ATR: variants seen among roughly 807,000 people sequenced by gnomAD.
The protein encoded by ATR is ATR checkpoint kinase.
In ATR, 142 loss-of-function variants were observed where a neutral mutation model predicts 305.3. The ratio of observed to expected loss-of-function variants is 0.47; its 90% CI spans 0.41 to 0.53. The LOEUF (loss-of-function observed/expected upper bound fraction) is 0.53. Ranked by LOEUF, ATR falls within the 20% of genes least tolerant of loss-of-function variation. ATR has a pLI of 0.00. For synonymous variants in ATR, 1,050 were observed against 1,068.1 expected, an observed-to-expected ratio of 0.98 and a Z score of 0.33; for missense variants, 2,135 against 3,133.1, an observed-to-expected ratio of 0.68 and a Z score of 7.60.
In ATR at chr3:142,566,245, TA is replaced by T; in HGVS notation, c.167del (p.Val56GlufsTer11). The T allele has an allele frequency of 1.2e-6, 2 of 1,613,772 alleles. No homozygotes were observed. Among genetic ancestry groups the T allele is most frequent in the Non-Finnish European group, 1.7e-6 (2 of 1,179,646 alleles). ...AGGTTGGCTGAGAGTCAGTTTTCTTTACAAGTTCTACAGCAACTAAAACAAT... is the reference window on the plus strand; with the variant it reads ...AGGTTGGCTGAGAGTCAGTTTTCTTTCAAGTTCTACAGCAACTAAAACAAT... ...TDVNVVAVEL[V>X]KKTDSQPTSV... On this transcript the variant is annotated frameshift_variant, in exon 3 of 47. Transcript: ENST00000350721. LOFTEE classifies it high-confidence loss of function.
At chr3:142,497,902 TC>T (rs1029433584) in intron 32 of ATR, among the ~76,000 whole-genome samples, 4 of 152,116 alleles carry the variant, frequency 2.6e-5, no homozygotes, top group African/African-American at 9.7e-5. Context: ...ACTAGCTTTT[TC>T]CCCCTTGTAT....
At chr3:142,535,334 C>T in intron 20 of ATR, 129 bp from the exon 21 acceptor site, 1 of 1,008,640 alleles carries the variant, frequency 9.9e-7, no homozygotes, top group African/African-American at 1.6e-5. Flanking sequence ...AATGAAATTT[C>T]CATTCCTTCC....
chr3:142,463,368 A>C (rs1231292100), intron 41 of ATR, among the ~76,000 whole-genome samples: 3 of 152,182 alleles, frequency 2.0e-5, no homozygotes, highest in African/African-American at 7.2e-5. Context: ...GTAGTTAGTG[A>C]ATTAAGGTAC....
At chr3:142,452,875 CTG>C (rs748330731) in intron 46 of ATR, 46 of 1,327,090 alleles carry the variant, frequency 3.5e-5, no homozygotes, top group African/African-American at 3.0e-4. Flanking sequence ...TATCTCATAA[CTG>C]TGAATTGTCT....
Position 142,553,685 on chromosome 3 carries a change from T to C in ATR, c.2588A>G (p.Asn863Ser). 6.2e-7 allele frequency: 1 copy of C among 1,612,674 alleles called. No homozygotes were observed. Among genetic ancestry groups the C allele is most frequent in the African/African-American group, 1.3e-5 (1 of 75,030 alleles). ...AYTHAQISRN[N>S]ELKDTLILTT... Reference sequence around the variant, plus strand: ...AAGAATCAAGGTATCCTTCAGCTCATTATTTCTTGATATTTGGGCATGTGT... The same window carrying C: ...AAGAATCAAGGTATCCTTCAGCTCACTATTTCTTGATATTTGGGCATGTGT... Residue 863 changes from asparagine (N) to serine (S), a missense_variant, in exon 12 of 47, where the codon AAT becomes AGT. Coordinates refer to ENST00000350721, the MANE Select transcript of ATR (RefSeq NM_001184.4).
At position 142,512,466 on chromosome 3, in the gene ATR, T is replaced by G; in HGVS notation, c.4646A>C (p.Tyr1549Ser). 6.2e-7 allele frequency: 1 copy of G among 1,601,914 alleles called. No homozygotes were observed. Among genetic ancestry groups the G allele is most frequent in the Non-Finnish European group, 8.6e-7 (1 of 1,169,502 alleles). ...GCNQEDQQEVYAEIMAVLKHD... is the reference protein window; with the variant it reads ...GCNQEDQQEVSAEIMAVLKHD... ...CTTTAGAACTGCCATAATTTCTGCA[T>G]AAACCTATGAGAATCATTTATAATT... Residue 1549 changes from tyrosine (Y) to serine (S), a missense_variant, in exon 27 of 47, where the codon TAT becomes TCT. This residue lies in a region of ATR where 202 missense variants were observed against 252.9 expected (regional missense o/e 0.80). Transcript: ENST00000350721.
At chr3:142,472,798 C>T (rs1198252633) in intron 36 of ATR, among the ~76,000 whole-genome samples, 1 of 151,938 alleles carries the variant, frequency 6.6e-6, no homozygotes, top group Admixed American at 6.6e-5. Flanking sequence ...CCACCACGCC[C>T]GAATAATTTT....
At position 142,553,348 on chromosome 3, in the gene ATR, C is replaced by T. The variant is rs1202782083; in HGVS notation, c.2684G>A (p.Cys895Tyr). 3 of 1,613,816 alleles carry T rather than the reference C, an allele frequency of 1.9e-6. No individual in the cohort carries two copies. Among genetic ancestry groups the T allele is most frequent in the Admixed American group, 3.3e-5 (2 of 59,964 alleles). The change falls in exon 13 of 47, where the codon TGT (cysteine) becomes TAT (tyrosine). Residue 895 changes from cysteine to tyrosine, a missense_variant. By Grantham distance (194) the Cys-to-Tyr change is radical. Transcript: ENST00000350721. ...GACAGATGCTGACTTGGATAACAAA[C>T]AATGCAATAAGTGTAAGAGTGCAAA... ...VPFALLHLLH[C>Y]LLSKSASVSG... is the part of the protein sequence containing the mutation.
At chr3:142,555,851 G>A (rs2034649902) in intron 10 of ATR, 26 bp downstream of exon 10, 2 of 1,591,458 alleles carry the variant, frequency 1.3e-6, no homozygotes, top group Admixed American at 1.8e-5. Flanking sequence ...AGGTTTTAAA[G>A]TATTAAATAA....
intron 21 of ATR, among the ~76,000 whole-genome samples, chr3:142,527,190 C>T (rs757489970): frequency 6.6e-6 from 1 of 151,904 alleles, no homozygotes; most frequent in Non-Finnish European, 1.5e-5. Context: ...TTGTTTCATG[C>T]TATCTTTTTT....
At chr3:142,559,572 G>T in intron 6 of ATR, 131 bp from the exon 7 acceptor site, 3 of 851,796 alleles carry the variant, frequency 3.5e-6, no homozygotes, top group Non-Finnish European at 5.6e-6. Flanking sequence ...AAGTAAACAT[G>T]CAAATCAAGT....
intron 35 of ATR, among the ~76,000 whole-genome samples, chr3:142,487,640 C>G (rs2031025024): frequency 6.6e-6 from 1 of 152,108 alleles, no homozygotes; most frequent in Non-Finnish European, 1.5e-5. Context: ...TATAAACATT[C>G]TTGTGTTTAT....
At chr3:142,506,116 T>G (rs2032222737) in intron 28 of ATR, among the ~76,000 whole-genome samples, 1 of 152,142 alleles carries the variant, frequency 6.6e-6, no homozygotes, top group African/African-American at 2.4e-5. Flanking sequence ...GAAGTCTTGT[T>G]GAAATGGGCA....
intron 35 of ATR, among the ~76,000 whole-genome samples, chr3:142,492,025 A>G (rs1235700969): frequency 6.6e-6 from 1 of 152,164 alleles, no homozygotes; most frequent in African/African-American, 2.4e-5. Flanking sequence ...ATATATTTTT[A>G]CATTGTCAAG....
rs538118747 is a variant in ATR at position 142,525,643 on chromosome 3, A to G, written c.3946-1444T>C. Among the ~76,000 whole-genome samples, 142 of 152,332 alleles carry G rather than the reference A, an allele frequency of 9.3e-4. 1 individual carries two copies. Among genetic ancestry groups the G allele is most frequent in the Non-Finnish European group, 1.5e-3 (100 of 68,028 alleles). ...TTTGGGTCACATGGGTGGATCCCTC[A>G]TGAATGGCTTGGTGCCATCCCTGTG... On this transcript the variant is annotated intron_variant, in intron 21 of 46. Coordinates refer to ENST00000350721, the MANE Select transcript of ATR (RefSeq NM_001184.4).
intron 1 of ATR, among the ~76,000 whole-genome samples, chr3:142,574,825 AG>A (rs2035385867): frequency 6.6e-6 from 1 of 152,168 alleles, no homozygotes; most frequent in Non-Finnish European, 1.5e-5. Flanking sequence ...TGACTCCCTA[AG>A]GGACAAGGCA....
chr3:142,467,914 CACT>C lies in ATR; in HGVS notation c.6687+17_6687+19del, dbSNP rs1294985700. 1 of 1,611,040 alleles carries C rather than the reference CACT, an allele frequency of 6.2e-7. No homozygotes were observed. The highest frequency in any genetic ancestry group is 2.2e-5 in the East Asian group (1 of 44,672). ...TAATTACCCAACATCAGTTTATAAG[CACT>C]AAGATTATGATAGTACCGGTTTATT... On this transcript the variant is annotated intron_variant, in intron 39 of 46. Transcript: ENST00000350721.
chr3:142,536,543 C>T (rs187599372), intron 19 of ATR, among the ~76,000 whole-genome samples: 11 of 152,306 alleles, frequency 7.2e-5, no homozygotes, highest in Admixed American at 2.6e-4. Context: ...CAATTTGGGG[C>T]CTGTTAAAAA....
intron 30 of ATR, chr3:142,499,920 C>A: frequency 2.0e-6 from 1 of 501,648 alleles, no homozygotes; most frequent in South Asian, 2.4e-5. Context: ...AATATTTTTT[C>A]ACTAATTACT....
Sources: allele counts gnomAD v4.1 joint callset (sites outside exome capture counted in the v4.1 genomes callset), GRCh38; gene constraint gnomAD v4.1.1; regional missense constraint gnomAD v4.1.1; transcripts MANE v1.5; gene names NCBI Gene and HGNC (gene_info 2026-07-23, HGNC 2026-07-21).